Variants in PTPN4 observed in about 807,000 individuals in gnomAD.
The protein encoded by PTPN4 is tyrosine-protein phosphatase non-receptor type 4.
A neutral mutation model predicts 135.5 loss-of-function variants in PTPN4; 49 were observed. That is an observed-to-expected ratio of 0.36 (90% CI 0.29 to 0.46). PTPN4 has a LOEUF of 0.46. PTPN4 is among the 20% of genes least tolerant of loss of function. The pLI is 1.00. For synonymous variants in PTPN4, 333 were observed against 369.9 expected (o/e 0.90, Z 1.14); for missense variants, 860 against 1,101.0 (o/e 0.78, Z 3.10).
intron 12 of PTPN4, 117 bp downstream of exon 12, chr2:119,920,358 A>T: frequency 7.7e-6 from 9 of 1,162,162 alleles, no homozygotes; most frequent in Non-Finnish European, 1.1e-5. Context: ...CTGAGTCAAA[A>T]ATCCCTATGG....
chr2:119,955,891 C>T (rs979958484), intron 20 of PTPN4, among the ~76,000 whole-genome samples: 4 of 151,588 alleles, frequency 2.6e-5, no homozygotes, highest in Admixed American at 6.6e-5. Context: ...GAGCTGAGAT[C>T]GCGCCACTGC....
chr2:119,864,391 A>G (rs769873536), intron 3 of PTPN4, among the ~76,000 whole-genome samples: 7 of 152,132 alleles, frequency 4.6e-5, no homozygotes, highest in Non-Finnish European at 1.0e-4. Context: ...TCTTACCAGA[A>G]AGGCAAATTG....
chr2:119,766,469 T>C lies in PTPN4; in HGVS notation c.-18+6085T>C, dbSNP rs1419955513. On this transcript the variant is annotated intron_variant, in intron 1 of 26. Coordinates refer to ENST00000263708, the MANE Select transcript of PTPN4 (RefSeq NM_002830.4). ...GCGCGCGTGTGTGTGTGTGTGTGTG[T>C]GTGTGTGTGTGTGTCTGTGTGTGTG... Among the ~76,000 whole-genome samples, 1,106 of 123,130 alleles carry C rather than the reference T, an allele frequency of 9.0e-3. 8 individuals are homozygous for C. The highest frequency in any genetic ancestry group is 0.016 in the Middle Eastern group (4 of 250). The allele number at this position is 123,130 out of a possible 152,430, so 80.8% of individuals were successfully genotyped here.
At position 119,811,079 on chromosome 2, in the gene PTPN4, G is replaced by A. The variant is rs780562199; in HGVS notation, c.138+1088G>A. Among the ~76,000 whole-genome samples the A allele has an allele frequency of 3.3e-5, 5 of 152,066 alleles. No homozygotes were observed. In the East Asian group the frequency reaches 5.8e-4, roughly 18 times the overall value. Reference sequence around the variant, plus strand: ...TATGAATCTTACACCGGGGCCAGTCGGGGGATTAGGGGCTGGGGGAGGGAT... The same window carrying A: ...TATGAATCTTACACCGGGGCCAGTCAGGGGATTAGGGGCTGGGGGAGGGAT... On this transcript the variant is annotated intron_variant, in intron 2 of 26. Transcript: ENST00000263708.
intron 2 of PTPN4, among the ~76,000 whole-genome samples, chr2:119,819,860 G>GT (rs1322080393): frequency 7.9e-5 from 12 of 151,834 alleles, no homozygotes; most frequent in South Asian, 4.2e-4. Context: ...CTTGGCTGTT[G>GT]TTTTTTTTGT....
chr2:119,956,819 T>C (rs1158023559), intron 20 of PTPN4, 25 bp from the exon 21 acceptor site: 1 of 1,580,680 alleles, frequency 6.3e-7, no homozygotes. Context: ...TTTGTTGGAA[T>C]TGTACCTTTT....
intron 2 of PTPN4, among the ~76,000 whole-genome samples, chr2:119,844,346 C>T (rs1185877463): frequency 7.4e-5 from 1 of 13,546 alleles, no homozygotes; most frequent in African/African-American, 4.1e-4. Flanking sequence ...GGGCGGGGGG[C>T]TGACCCCCCC....
Position 119,962,605 on chromosome 2 carries a change from A to G in PTPN4, c.2281-11A>G. The G allele has an allele frequency of 7.6e-7, 1 of 1,320,730 alleles. No homozygotes were observed. Among genetic ancestry groups the G allele is most frequent in the Non-Finnish European group, 9.9e-7 (1 of 1,009,916 alleles). The allele number at this position is 1,320,730 out of a possible 1,614,324, so 81.8% of individuals were successfully genotyped here. Reference sequence around the variant, plus strand: ...ATAATTTTATTTATTATTTATTTATATCAATATCAGGTTAAATGTCACCAA... The same window carrying G: ...ATAATTTTATTTATTATTTATTTATGTCAATATCAGGTTAAATGTCACCAA... On this transcript the variant is annotated splice_polypyrimidine_tract_variant and intron_variant, in intron 23 of 26. Coordinates refer to ENST00000263708, the MANE Select transcript of PTPN4 (RefSeq NM_002830.4).
chr2:119,974,020 A>G (rs1399613631), intron 26 of PTPN4, among the ~76,000 whole-genome samples: 2 of 152,180 alleles, frequency 1.3e-5, no homozygotes, highest in Non-Finnish European at 2.9e-5. Context: ...AGCAAGTGGT[A>G]TAGCATGTGT....
intron 26 of PTPN4, among the ~76,000 whole-genome samples, chr2:119,970,382 A>C (rs887572607): frequency 6.6e-6 from 1 of 151,930 alleles, no homozygotes; most frequent in Non-Finnish European, 1.5e-5. Flanking sequence ...AAACATCTTC[A>C]TTCCCTGCCA....
chr2:119,782,413 C>T (rs529478730), intron 1 of PTPN4, among the ~76,000 whole-genome samples: 7 of 151,788 alleles, frequency 4.6e-5, no homozygotes, highest in South Asian at 2.1e-4. Context: ...AGCGAGACTC[C>T]GTCTAAAAAA....
chr2:119,882,369 T>C (rs1248370372), intron 7 of PTPN4, 134 bp from the exon 8 acceptor site: 48 of 1,065,462 alleles, frequency 4.5e-5, no homozygotes, highest in Non-Finnish European at 6.1e-5. Flanking sequence ...TGGATTGCTG[T>C]GGCTTGCTTA....
At chr2:119,857,719 T>C (rs1303351706) in intron 2 of PTPN4, among the ~76,000 whole-genome samples, 1 of 152,226 alleles carries the variant, frequency 6.6e-6, no homozygotes, top group Non-Finnish European at 1.5e-5. Flanking sequence ...TTTCTGAGAA[T>C]ATTATCATTT....
intron 2 of PTPN4, among the ~76,000 whole-genome samples, chr2:119,821,956 C>CT (rs1304403362): frequency 3.9e-5 from 6 of 152,132 alleles, no homozygotes; most frequent in African/African-American, 1.2e-4. Context: ...TGTTTGTAGA[C>CT]ATTTAAAACG....
chr2:119,953,985 C>T (rs566100045), intron 19 of PTPN4, among the ~76,000 whole-genome samples: 13 of 152,290 alleles, frequency 8.5e-5, no homozygotes, highest in African/African-American at 2.4e-4. Flanking sequence ...AGTCAAAATA[C>T]GGAGCAGAAC....
At chr2:119,761,710 G>C (rs1369411972) in intron 1 of PTPN4, among the ~76,000 whole-genome samples, 1 of 152,110 alleles carries the variant, frequency 6.6e-6, no homozygotes, top group Non-Finnish European at 1.5e-5. Context: ...ATAATCTTCA[G>C]TGATTTATAA....
chr2:119,801,904 T>TTG (rs1691380774), intron 1 of PTPN4, among the ~76,000 whole-genome samples: 1 of 145,670 alleles, frequency 6.9e-6, no homozygotes, highest in Non-Finnish European at 1.5e-5. Flanking sequence ...CTTTCCGTTT[T>TTG]TTTTTTTTTT....
chr2:119,916,089 A>G (rs975058393), intron 11 of PTPN4: 1 of 151,120 alleles, frequency 6.6e-6, no homozygotes, highest in Non-Finnish European at 1.5e-5. Flanking sequence ...AGTCCCAGCT[A>G]CTCAGGAGGC....
In PTPN4 at chr2:119,979,029, G is replaced by C. The variant is rs1366438951; in HGVS notation, c.*1959G>C. 1 of 152,082 alleles carries C rather than the reference G, an allele frequency of 6.6e-6. No homozygotes were observed. Among genetic ancestry groups the C allele is most frequent in the Non-Finnish European group, 1.5e-5 (1 of 67,946 alleles). The allele number at this position is 152,082 out of a possible 1,614,324, so 9.4% of individuals were successfully genotyped here. Reference sequence around the variant, plus strand: ...ATTTCCTGACTTCACAGTCAAAACAGTATAAGATAGTGAAGTAACTTATAA... The same window carrying C: ...ATTTCCTGACTTCACAGTCAAAACACTATAAGATAGTGAAGTAACTTATAA... On this transcript the variant is annotated 3_prime_UTR_variant, in exon 27 of 27. Transcript: ENST00000263708.
Sources: allele counts gnomAD v4.1 joint callset (sites outside exome capture counted in the v4.1 genomes callset), GRCh38; gene constraint gnomAD v4.1.1; transcripts MANE v1.5; gene names NCBI Gene and HGNC (gene_info 2026-07-23, HGNC 2026-07-21).